Variants in GSTA1 observed in about 807,000 individuals in gnomAD.
GSTA1 encodes glutathione S-transferase A1.
In GSTA1, 23 loss-of-function variants were observed where a neutral mutation model predicts 21.5. The observed-to-expected ratio is 1.07, with a 90% CI of 0.77 to 1.52. The LOEUF (loss-of-function observed/expected upper bound fraction) is 1.52, where lower values mean the gene tolerates loss of function less well. GSTA1 is among the 40% of genes most tolerant of loss of function. The probability of loss-of-function intolerance (pLI) is 0.00; values close to 1 mark genes in which losing one functional copy is unlikely to be tolerated. For synonymous variants in GSTA1, 125 were observed against 90.0 expected, an observed-to-expected ratio of 1.39 and a Z score of -2.20; for missense variants, 301 against 264.2, an observed-to-expected ratio of 1.14 and a Z score of -0.96.
At chr6:52,794,025 C>A (rs984642677) in intron 5 of GSTA1, 100 bp downstream of exon 5, 13 of 1,437,880 alleles carry the variant, frequency 9.0e-6, no homozygotes, top group Middle Eastern at 1.8e-4. Flanking sequence ...TTCAGGAAGT[C>A]TCACTGAAAG....
chr6:52,799,105 C>T (rs546742970), intron 2 of GSTA1, 76 bp downstream of exon 2: 4 of 1,366,298 alleles, frequency 2.9e-6, no homozygotes, highest in Non-Finnish European at 4.2e-6. Context: ...TAAGCAACAT[C>T]TCATAGTTTC....
At chr6:52,792,652 G>C in intron 6 of GSTA1, 1 of 1,317,304 alleles carries the variant, frequency 7.6e-7, no homozygotes, top group Middle Eastern at 2.7e-4. Context: ...ACTCTTTGTG[G>C]GGTAGCATGC....
chr6:52,794,048 A>C (rs546768730), intron 5 of GSTA1, 77 bp downstream of exon 5: 55 of 1,567,980 alleles, frequency 3.5e-5, no homozygotes, highest in Non-Finnish European at 4.5e-5. Flanking sequence ...AAGATCAGTG[A>C]CCCAGGAATG....
intron 3 of GSTA1, among the ~76,000 whole-genome samples, chr6:52,797,222 A>G (rs189083833): frequency 1.1e-4 from 16 of 152,240 alleles, no homozygotes; most frequent in Admixed American, 7.8e-4. Flanking sequence ...GGCCACATCT[A>G]TTCCTCCTCC....
intron 4 of GSTA1, among the ~76,000 whole-genome samples, chr6:52,794,806 G>T (rs1241911322): frequency 6.6e-6 from 1 of 152,114 alleles, no homozygotes; most frequent in Non-Finnish European, 1.5e-5. Flanking sequence ...TCCATGTGCT[G>T]TTGCGCAACT....
intron 1 of GSTA1, among the ~76,000 whole-genome samples, chr6:52,800,405 TAA>T (rs1457716795): frequency 6.6e-6 from 1 of 152,198 alleles, no homozygotes; most frequent in Non-Finnish European, 1.5e-5. Context: ...CCATTACTTT[TAA>T]AAATAAAATA....
Position 52,794,174 on chromosome 6 carries a change from G to A in GSTA1, c.365C>T (p.Ala122Val), listed in dbSNP as rs753650405. 1.1e-5 allele frequency: 18 copies of A among 1,613,938 alleles called. No individual in the cohort carries two copies. Among genetic ancestry groups the A allele is most frequent in the Non-Finnish European group, 1.5e-5 (18 of 1,179,958 alleles). ...CPPEEKDAKL[A>V]LIKEKIKNRY... ...ATTTTTTATTTTCTCTTTGATCAAGGCAAGCTTGGCATCTTTTTCCTCAGG... is the reference window on the plus strand; with the variant it reads ...ATTTTTTATTTTCTCTTTGATCAAGACAAGCTTGGCATCTTTTTCCTCAGG... The change falls in exon 5 of 7, where the codon GCC (alanine) becomes GTC (valine). Residue 122 changes from alanine to valine, a missense_variant. Ala to Val is a moderately conservative substitution (Grantham distance 64). Transcript: ENST00000334575.
chr6:52,800,186 G>A lies in GSTA1; in HGVS notation c.-30-889C>T, dbSNP rs530492343. On this transcript the variant is annotated intron_variant, in intron 1 of 6. Transcript: ENST00000334575. ...TGGTCATTCTTCTAAACTTCTCTTCGTTTTATCCTACAAAAATCACCTAAG... is the reference window on the plus strand; with the variant it reads ...TGGTCATTCTTCTAAACTTCTCTTCATTTTATCCTACAAAAATCACCTAAG... 1.8e-4 allele frequency among the ~76,000 whole-genome samples: 28 copies of A among 152,262 alleles called. No individual in the cohort carries two copies. In the South Asian group the frequency reaches 1.9e-3, roughly 10 times the overall value.
At position 52,793,000 on chromosome 6, in the gene GSTA1, A is replaced by G; in HGVS notation, c.415-13T>C. 1.2e-6 allele frequency: 2 copies of G among 1,614,016 alleles called. No homozygotes were observed. ...GGCTCTTTAAGACCTGGAGAATGGGAGGAATCAGATCAGGAACACATGCAC... is the reference window on the plus strand; with the variant it reads ...GGCTCTTTAAGACCTGGAGAATGGGGGGAATCAGATCAGGAACACATGCAC... On this transcript the variant is annotated splice_polypyrimidine_tract_variant and intron_variant, in intron 5 of 6. Coordinates refer to ENST00000334575, the MANE Select transcript of GSTA1 (RefSeq NM_145740.5).
intron 1 of GSTA1, among the ~76,000 whole-genome samples, chr6:52,799,535 A>G (rs971020230): frequency 6.6e-6 from 1 of 152,192 alleles, no homozygotes. Flanking sequence ...TCTTGGCAGC[A>G]TAAGAGGTGA....
intron 5 of GSTA1, among the ~76,000 whole-genome samples, chr6:52,793,788 TTCAG>T (rs1370466913): frequency 1.2e-4 from 18 of 152,302 alleles, no homozygotes; most frequent in African/African-American, 2.9e-4. Flanking sequence ...CATGCCCCTG[TTCAG>T]TCAAAGTCCA....
rs952438921 is a variant in GSTA1, at chr6:52,793,069, G to C, written c.415-82C>G. ...GCTTCTTTCGGAGCCTCTCCACCCT[G>C]ACTTTCCCCACCTCTGTTGCCTTAC... On this transcript the variant is annotated intron_variant, in intron 5 of 6. Coordinates refer to ENST00000334575, the MANE Select transcript of GSTA1 (RefSeq NM_145740.5). 6 of 1,597,918 alleles carry C rather than the reference G, an allele frequency of 3.8e-6. No individual in the cohort carries two copies. The East Asian group carries it at 1.1e-4, about 30-fold the overall frequency.
intron 3 of GSTA1, among the ~76,000 whole-genome samples, chr6:52,796,525 G>GTA (rs1763591494): frequency 1.8e-5 from 1 of 56,558 alleles, no homozygotes; most frequent in East Asian, 3.8e-4. Flanking sequence ...GTGTGTGTGT[G>GTA]TGTGTATATA....
Position 52,791,591 on chromosome 6 carries a change from A to G in GSTA1, c.*267T>C, listed in dbSNP as rs1210097937. 2.6e-6 allele frequency: 1 copy of G among 386,576 alleles called. No individual in the cohort carries two copies. The highest frequency in any genetic ancestry group is 4.4e-5 in the Admixed American group (1 of 22,908). The allele number at this position is 386,576 out of a possible 1,614,324, so 23.9% of individuals were successfully genotyped here. A position where few individuals can be genotyped will look rare whatever the true frequency, so the allele number is the denominator to read the frequency against. ...AAAAGTCAAACAAACCACATAATCT[A>G]TAGTTTCCTTTTTTACTGAATTTTT... On this transcript the variant is annotated 3_prime_UTR_variant, in exon 7 of 7. Transcript: ENST00000334575.
At position 52,791,891 on chromosome 6, in the gene GSTA1, A is replaced by G. The variant is rs749700504; in HGVS notation, c.636T>C (p.Ser212=). Residue 212 remains serine (S), a synonymous_variant, in exon 7 of 7, where the codon TCT becomes TCC. Transcript: ENST00000334575. ...TGAAAATCTTCCTTGCTTCTTCTAA[A>G]GATTTCTCATCCATGGGAGGCTTCC... ...SPRKPPMDEK[S]LEEARKIFRF 2.0e-5 allele frequency: 33 copies of G among 1,613,880 alleles called. No individual in the cohort carries two copies. The highest frequency in any genetic ancestry group is 2.7e-5 in the Non-Finnish European group (32 of 1,179,894).
chr6:52,794,378 G>A (rs200673761), intron 4 of GSTA1, 112 bp from the exon 5 acceptor site: 29 of 1,023,396 alleles, frequency 2.8e-5, no homozygotes, highest in Non-Finnish European at 4.0e-5. Context: ...TTCACCTCCA[G>A]TGGGTGCCTT....
At chr6:52,796,589 G>A (rs1192356177) in intron 3 of GSTA1, among the ~76,000 whole-genome samples, 1 of 136,522 alleles carries the variant, frequency 7.3e-6, no homozygotes, top group East Asian at 2.1e-4. Flanking sequence ...TGTCACCCAG[G>A]CTGGAGTGGA....
chr6:52,799,133 A>C (rs1334491167), intron 2 of GSTA1, 48 bp downstream of exon 2: 6 of 1,554,894 alleles, frequency 3.9e-6, no homozygotes, highest in Non-Finnish European at 5.3e-6. Flanking sequence ...AAAGTATGTG[A>C]TAACACAATT....
At position 52,791,956 on chromosome 6, in the gene GSTA1, G is replaced by C. The variant is rs1282370849; in HGVS notation, c.571C>G (p.Leu191Val). ...LKALKTRISN[L>V]PTVKKFLQPG... ...TGTAGAAACTTCTTCACTGTGGGCA[G>C]GTTGCTGATTCTGGTTTTCAGGGCC... Residue 191 changes from leucine (L) to valine (V), a missense_variant, in exon 7 of 7, where the codon CTG (leucine) becomes GTG (valine). Transcript: ENST00000334575. 4.3e-6 allele frequency: 7 copies of C among 1,613,830 alleles called. No homozygotes were observed. The highest frequency in any genetic ancestry group is 4.0e-5 in the African/African-American group (3 of 74,916).
Sources: gnomAD v4.1 joint callset for allele counts (sites outside exome capture counted in the v4.1 genomes callset) on GRCh38, gnomAD v4.1.1 for gene constraint, MANE v1.5 for transcripts, NCBI Gene and HGNC (gene_info 2026-07-23, HGNC 2026-07-21) for gene names.